Variants in ZNF347 observed in about 807,000 individuals in gnomAD.
The protein encoded by ZNF347 is zinc finger protein 347.
ZNF347 carries 19 observed loss-of-function variants against 12.9 expected under a neutral mutation model. That is an observed-to-expected ratio of 1.47 (90% confidence interval 1.03 to 2.16). ZNF347 has a LOEUF of 2.16. Among genes scored for constraint, ZNF347 ranks in the 30% most tolerant of loss-of-function variants. ZNF347 has a pLI of 0.00. For missense variants in ZNF347, 1,005 were observed against 990.6 expected, an observed-to-expected ratio of 1.01 and a Z score of -0.19; for synonymous variants, 328 against 340.6, an observed-to-expected ratio of 0.96 and a Z score of 0.41.
At position 53,135,320 on chromosome 19, in the gene ZNF347, A is replaced by G; in HGVS notation, c.*4988T>C. 1 of 65,814 alleles carries G rather than the reference A, an allele frequency of 1.5e-5. No homozygotes were observed. The highest frequency in any genetic ancestry group is 1.5e-4 in the Admixed American group (1 of 6,738). 4.1% of individuals were successfully genotyped at this position (65,814 alleles called of 1,614,324 possible). A position where few individuals can be genotyped will look rare whatever the true frequency, so the allele number is the denominator to read the frequency against. Reference sequence around the variant, plus strand: ...TCTAAATATATATATATATATATATATATATATATATATATATATAGAGAG... The same window carrying G: ...TCTAAATATATATATATATATATATGTATATATATATATATATATAGAGAG... On this transcript the variant is annotated 3_prime_UTR_variant, in exon 5 of 5. Coordinates refer to ENST00000334197, the MANE Select transcript of ZNF347 (RefSeq NM_032584.3).
In ZNF347 at chr19:53,149,561, C is replaced by T; in HGVS notation, c.16-194G>A. Reference sequence around the variant, plus strand: ...TTGGAATCTCTGGAGTGATAAGTGCCTTTGTAAGCTAATGAGATGACTGGT... The same window carrying T: ...TTGGAATCTCTGGAGTGATAAGTGCTTTTGTAAGCTAATGAGATGACTGGT... On this transcript the variant is annotated intron_variant, in intron 2 of 4. Coordinates refer to ENST00000334197, the MANE Select transcript of ZNF347 (RefSeq NM_032584.3). 2.9e-5 allele frequency: 31 copies of T among 1,064,088 alleles called. 1 individual carries two copies. Among genetic ancestry groups the T allele is most frequent in the Non-Finnish European group, 3.9e-5 (31 of 796,556 alleles). The allele number at this position is 1,064,088 out of a possible 1,614,324, so 65.9% of individuals were successfully genotyped here.
Position 53,135,401 on chromosome 19 carries a change from C to T in ZNF347, c.*4907G>A, listed in dbSNP as rs942501909. 2 of 139,538 alleles carry T rather than the reference C, an allele frequency of 1.4e-5. No individual in the cohort carries two copies. The highest frequency in any genetic ancestry group is 3.1e-5 in the Non-Finnish European group (2 of 65,074). The allele number at this position is 139,538 out of a possible 1,614,324, so 8.6% of individuals were successfully genotyped here. ...AGAGAGAGAGAGAGAGAGATGGAGT[C>T]CCGCTCTGTCACTGAGACTGGAGTG... On this transcript the variant is annotated 3_prime_UTR_variant, in exon 5 of 5. Coordinates refer to ENST00000334197, the MANE Select transcript of ZNF347 (RefSeq NM_032584.3).
chr19:53,155,041 G>A (rs1790649024), intron 1 of ZNF347, among the ~76,000 whole-genome samples: 1 of 151,806 alleles, frequency 6.6e-6, no homozygotes, highest in South Asian at 2.1e-4. Flanking sequence ...AGGTTCAAGC[G>A]ATTCTCCTGC....
At chr19:53,143,535 T>C (rs1044068224) in intron 4 of ZNF347, among the ~76,000 whole-genome samples, 6 of 151,922 alleles carry the variant, frequency 3.9e-5, no homozygotes, top group South Asian at 2.1e-4. Flanking sequence ...GCTTCATCCA[T>C]GTCCCTAAAA....
At chr19:53,153,354 A>T (rs1394447843) in intron 2 of ZNF347, among the ~76,000 whole-genome samples, 2 of 152,194 alleles carry the variant, frequency 1.3e-5, no homozygotes, top group Non-Finnish European at 2.9e-5. Context: ...GTATTTGTGC[A>T]CATTAACACG....
Position 53,140,792 on chromosome 19 carries a change from T to C in ZNF347, c.2036A>G (p.Lys679Arg), listed in dbSNP as rs759182775. ...GCCACATTCATTACACTGGTAAGGT[T>C]TACCTCCAGTATGAACTCTCCGATG... ...ARHRRVHTGG[K>R]PYQCNECGKA... Residue 679 changes from lysine to arginine, a missense_variant, in exon 5 of 5, where the codon AAA becomes AGA. Physicochemically the swap from Lys to Arg is conservative, Grantham distance 26. Transcript: ENST00000334197. 6.2e-7 allele frequency: 1 copy of C among 1,613,552 alleles called. No homozygotes were observed. Among genetic ancestry groups the C allele is most frequent in the Admixed American group, 1.7e-5 (1 of 59,956 alleles).
In ZNF347 at chr19:53,142,384, A is replaced by G. The variant is rs767244675; in HGVS notation, c.444T>C (p.Ala148=). Residue 148 remains alanine (A), a synonymous_variant, in exon 5 of 5, where the codon GCT becomes GCC. Transcript: ENST00000334197. Reference sequence around the variant, plus strand: ...AAAGCACTCCTTTGTAATTTCCTTCAGCATCTCTGCATTGATACTCAAGGC... The same window carrying G: ...AAAGCACTCCTTTGTAATTTCCTTCGGCATCTCTGCATTGATACTCAAGGC... ...THGLEYQCRD[A]EGNYKGVLLT... The G allele has an allele frequency of 8.1e-6, 13 of 1,614,070 alleles. No homozygotes were observed. The Middle Eastern group carries it at 9.9e-4, about 123-fold the overall frequency.
chr19:53,140,672 C>T lies in ZNF347; in HGVS notation c.2156G>A (p.Ser719Asn). The change falls in exon 5 of 5, where the codon AGT becomes AAT. Residue 719 changes from serine (S) to asparagine (N), a missense_variant. Physicochemically the swap from Ser to Asn is conservative, Grantham distance 46 (BLOSUM62 1). Coordinates refer to ENST00000334197, the MANE Select transcript of ZNF347 (RefSeq NM_032584.3). ...YECNQCGKAF[S>N]VRSSLTTHQA... ...ATGGGTAGTTAGGCTTGAACGGACA[C>T]TAAAGGCTTTCCCACACTGATTACA... 6.2e-7 allele frequency: 1 copy of T among 1,613,606 alleles called. No individual in the cohort carries two copies.
At chr19:53,155,127 A>G (rs4365395) in intron 1 of ZNF347, among the ~76,000 whole-genome samples, 131,633 of 151,822 alleles carry the variant, frequency 0.87, 57,112 homozygotes, top group Admixed American at 0.89. Context: ...TAGTAGAGAC[A>G]GTGTTTCACC....
chr19:53,141,261 T>C lies in ZNF347; in HGVS notation c.1567A>G (p.Thr523Ala). 1 of 1,613,884 alleles carries C rather than the reference T, an allele frequency of 6.2e-7. No individual in the cohort carries two copies. The change falls in exon 5 of 5, where the codon ACT becomes GCT. Residue 523 changes from threonine (T) to alanine (A), a missense_variant. By Grantham distance (58) the Thr-to-Ala change is moderately conservative. Coordinates refer to ENST00000334197, the MANE Select transcript of ZNF347 (RefSeq NM_032584.3). ...TGATTTGCAAGGTGTGAATTTTGAG[T>C]GAAGACCTTGCCACATTCATTACAT... is the stretch of plus-strand genomic sequence containing the variant. ...YKCNECGKVF[T>A]QNSHLANHQR...
In ZNF347 at chr19:53,142,292, A is replaced by G. The variant is rs145395739; in HGVS notation, c.536T>C (p.Leu179Pro). ...EHDKRDARNK[L>P]IKNQLGLSLQ... ...GCTTAATCCAAGCTGATTTTTAATA[A>G]GCTTGTTTCTTGCATCTCTTTTATC... Residue 179 changes from leucine (L) to proline (P), a missense_variant, in exon 5 of 5, where the codon CTT becomes CCT. By Grantham distance (98) the Leu-to-Pro change is moderately conservative. Transcript: ENST00000334197. 2.1e-4 allele frequency: 343 copies of G among 1,613,930 alleles called. 2 individuals are homozygous for G. The East Asian group carries it at 7.6e-3, about 36-fold the overall frequency.
rs139713879 is a variant in ZNF347, at chr19:53,141,510, C to T, written c.1318G>A (p.Val440Ile). 101 of 1,614,052 alleles carry T rather than the reference C, an allele frequency of 6.3e-5. No individual in the cohort carries two copies. The African/African-American group carries it at 1.2e-3, about 19-fold the overall frequency. Reference protein sequence around the residue: ...KCNECGKAFGVRSSLAIHLVI... With the variant: ...KCNECGKAFGIRSSLAIHLVI... ...AGATGAATAGCTAGGCTTGAACGAA[C>T]ACCAAAGGCTTTGCCGCACTCATTA... The change falls in exon 5 of 5, where the codon GTT becomes ATT. Residue 440 changes from valine to isoleucine, a missense_variant. By Grantham distance (29) the Val-to-Ile change is conservative. Transcript: ENST00000334197.
intron 1 of ZNF347, among the ~76,000 whole-genome samples, chr19:53,158,483 G>A (rs2090550228): frequency 6.6e-6 from 1 of 152,160 alleles, no homozygotes; most frequent in South Asian, 2.1e-4. Flanking sequence ...GTTTTAAGCG[G>A]GAGGAAGACG....
rs753268866 is a variant in ZNF347 at position 53,148,681 on chromosome 19, C to T, written c.271G>A (p.Ala91Thr). 5 of 1,611,856 alleles carry T rather than the reference C, an allele frequency of 3.1e-6. No homozygotes were observed. Among genetic ancestry groups the T allele is most frequent in the Non-Finnish European group, 4.2e-6 (5 of 1,178,814 alleles). The change falls in exon 4 of 5, where the codon GCT becomes ACT. Residue 91 changes from alanine to threonine, a missense_variant and splice_region_variant. Physicochemically the swap from Ala to Thr is moderately conservative, Grantham distance 58. Coordinates refer to ENST00000334197, the MANE Select transcript of ZNF347 (RefSeq NM_032584.3). ...TTTCTCTACCCATCTGAACTCTTAC[C>T]TGTGATCACAGCTTTGATCCATTCC... is the stretch of plus-strand genomic sequence containing the variant. ...GWEWIKAVIT[A>T]LSSEFVMKDL...
chr19:53,157,156 C>T (rs949660780), intron 1 of ZNF347, among the ~76,000 whole-genome samples: 3 of 152,166 alleles, frequency 2.0e-5, no homozygotes, highest in African/African-American at 7.2e-5. Context: ...TGAAGCTATA[C>T]CCTAATACTA....
Position 53,148,661 on chromosome 19 carries a change from C to T in ZNF347, c.271+20G>A. ...CACTATTTAATAAACGGCATTTTCTCTACCCATCTGAACTCTTACCTGTGA... is the reference window on the plus strand; with the variant it reads ...CACTATTTAATAAACGGCATTTTCTTTACCCATCTGAACTCTTACCTGTGA... On this transcript the variant is annotated intron_variant, in intron 4 of 4. Transcript: ENST00000334197. 6.2e-7 allele frequency: 1 copy of T among 1,601,808 alleles called. No individual in the cohort carries two copies. Among genetic ancestry groups the T allele is most frequent in the East Asian group, 2.2e-5 (1 of 44,662 alleles).
chr19:53,135,831 A>G lies in ZNF347; in HGVS notation c.*4477T>C, dbSNP rs1249319466. 1 of 152,210 alleles carries G rather than the reference A, an allele frequency of 6.6e-6. No homozygotes were observed. The allele number at this position is 152,210 out of a possible 1,614,324, so 9.4% of individuals were successfully genotyped here. ...TGTGATTGATATAAAATATATATGC[A>G]AAGATAAATCACTTATTAAAGAATA... On this transcript the variant is annotated 3_prime_UTR_variant, in exon 5 of 5. Transcript: ENST00000334197.
chr19:53,152,413 C>T (rs548683058), intron 2 of ZNF347, among the ~76,000 whole-genome samples: 1 of 150,498 alleles, frequency 6.6e-6, no homozygotes, highest in Non-Finnish European at 1.5e-5. Context: ...TTGGGACCAG[C>T]CTGGCCAACA....
In ZNF347 at chr19:53,141,932, C is replaced by A; in HGVS notation, c.896G>T (p.Arg299Ile). 1 of 1,613,824 alleles carries A rather than the reference C, an allele frequency of 6.2e-7. No homozygotes were observed. The highest frequency in any genetic ancestry group is 8.5e-7 in the Non-Finnish European group (1 of 1,179,904). The change falls in exon 5 of 5, where the codon AGA becomes ATA. Residue 299 changes from arginine (R) to isoleucine (I), a missense_variant. Transcript: ENST00000334197. Reference protein sequence around the residue: ...YKCYECGKAFRTRSNLTTHQV... With the variant: ...YKCYECGKAFITRSNLTTHQV... Reference sequence around the variant, plus strand: ...ATGGGTAGTTAGGTTTGAACGTGTTCTAAAGGCTTTGCCACACTCATAACA... The same window carrying A: ...ATGGGTAGTTAGGTTTGAACGTGTTATAAAGGCTTTGCCACACTCATAACA...
Sources: gnomAD v4.1 joint callset for allele counts (sites outside exome capture counted in the v4.1 genomes callset) on GRCh38, gnomAD v4.1.1 for gene constraint, MANE v1.5 for transcripts, NCBI Gene and HGNC (gene_info 2026-07-23, HGNC 2026-07-21) for gene names.